The following NRXN1 variants were observed in gnomAD, a reference collection of about 807,000 sequenced individuals.
NRXN1 encodes the protein neurexin 1.
Under a neutral mutation model 150.9 loss-of-function variants are expected in NRXN1, and 39 were observed. That is an observed-to-expected ratio of 0.26 (90% CI 0.20 to 0.34). The LOEUF (loss-of-function observed/expected upper bound fraction) is 0.34. Among genes scored for constraint, NRXN1 ranks in the 10% least tolerant of loss-of-function variants. NRXN1 has a pLI of 1.00. For missense variants in NRXN1, 1,815 were observed against 1,949.9 expected (o/e 0.93, Z 1.30); for synonymous variants, 924 against 757.0 (o/e 1.22, Z -3.62).
intron 18 of NRXN1, among the ~76,000 whole-genome samples, chr2:50,169,368 T>G (rs2059882711): frequency 6.6e-6 from 1 of 152,104 alleles, no homozygotes; most frequent in Middle Eastern, 3.2e-3. Context: ...TCAGGGAAGT[T>G]TCTTGGGTAA....
chr2:50,478,405 G>C (rs544151291), intron 15 of NRXN1, among the ~76,000 whole-genome samples: 45 of 152,308 alleles, frequency 3.0e-4, no homozygotes, highest in African/African-American at 1.0e-3. Flanking sequence ...TTCAAGGCTT[G>C]TAAAATATTC....
intron 8 of NRXN1, among the ~76,000 whole-genome samples, chr2:50,587,810 A>G (rs967536244): frequency 6.6e-6 from 1 of 152,180 alleles, no homozygotes; most frequent in Non-Finnish European, 1.5e-5. Context: ...GGTTTGTGAA[A>G]AAAAGCTTGA....
intron 10 of NRXN1, among the ~76,000 whole-genome samples, chr2:50,537,208 A>G (rs1409472655): frequency 6.6e-6 from 1 of 152,216 alleles, no homozygotes; most frequent in Non-Finnish European, 1.5e-5. Flanking sequence ...AAAGGGAAAC[A>G]ATAAATATTC....
intron 8 of NRXN1, among the ~76,000 whole-genome samples, chr2:50,568,634 G>C (rs1670211260): frequency 6.6e-6 from 1 of 152,028 alleles, no homozygotes; most frequent in South Asian, 2.1e-4. Flanking sequence ...CCAAACACAA[G>C]CAATAACAAG....
intron 17 of NRXN1, among the ~76,000 whole-genome samples, chr2:50,336,488 G>T (rs923311212): frequency 1.3e-5 from 2 of 152,176 alleles, no homozygotes; most frequent in African/African-American, 4.8e-5. Context: ...TTAATTGTCA[G>T]TCTTTTCTCT....
chr2:50,376,046 T>TATATATACAC (rs1553516368), intron 17 of NRXN1, among the ~76,000 whole-genome samples: 11 of 148,734 alleles, frequency 7.4e-5, no homozygotes, highest in South Asian at 4.4e-4. Context: ...CATATATATA[T>TATATATACAC]ACACACACAC....
intron 10 of NRXN1, among the ~76,000 whole-genome samples, chr2:50,533,022 C>G (rs2093159873): frequency 6.6e-6 from 1 of 152,134 alleles, no homozygotes; most frequent in Admixed American, 6.6e-5. Context: ...AATATTAGGA[C>G]TATATTTAGA....
intron 17 of NRXN1, among the ~76,000 whole-genome samples, chr2:50,392,608 A>C (rs1325360362): frequency 5.3e-5 from 8 of 152,192 alleles, no homozygotes; most frequent in Non-Finnish European, 1.0e-4. Context: ...CTTTAGGGGA[A>C]AAGGTGAATT....
chr2:50,567,862 C>G (rs2094450585), intron 8 of NRXN1, among the ~76,000 whole-genome samples: 1 of 152,120 alleles, frequency 6.6e-6, no homozygotes, highest in African/African-American at 2.4e-5. Context: ...CTTTTAACCA[C>G]TTTACTCATA....
intron 18 of NRXN1, among the ~76,000 whole-genome samples, chr2:50,195,844 A>G (rs1470816001): frequency 6.6e-6 from 1 of 152,126 alleles, no homozygotes; most frequent in East Asian, 1.9e-4. Flanking sequence ...ATATTATCAT[A>G]GTTTCTTATT....
chr2:50,514,142 C>T (rs2092555976), intron 12 of NRXN1, among the ~76,000 whole-genome samples: 1 of 152,114 alleles, frequency 6.6e-6, no homozygotes, highest in Non-Finnish European at 1.5e-5. Context: ...AACCATTTAT[C>T]GAGCATGAAG....
intron 5 of NRXN1, among the ~76,000 whole-genome samples, chr2:50,752,224 C>T (rs556737323): frequency 4.6e-5 from 7 of 152,020 alleles, no homozygotes; most frequent in African/African-American, 1.7e-4. Flanking sequence ...ATTCTTTGGC[C>T]TGCCTATCAT....
At chr2:50,204,857 G>C (rs571842660) in intron 18 of NRXN1, among the ~76,000 whole-genome samples, 1 of 152,098 alleles carries the variant, frequency 6.6e-6, no homozygotes, top group Admixed American at 6.6e-5. Context: ...CATAAAACAA[G>C]AGTTTTAGTT....
At chr2:50,170,500 T>A (rs2059963593) in intron 18 of NRXN1, among the ~76,000 whole-genome samples, 1 of 152,148 alleles carries the variant, frequency 6.6e-6, no homozygotes, top group African/African-American at 2.4e-5. Flanking sequence ...TTTCACGATG[T>A]TGACCATGCT....
chr2:50,161,234 T>G (rs1051521602), intron 18 of NRXN1, among the ~76,000 whole-genome samples: 10 of 152,162 alleles, frequency 6.6e-5, no homozygotes, highest in African/African-American at 2.4e-4. Flanking sequence ...TCTATTATAT[T>G]ACTTCATTTT....
chr2:50,237,518 G>GA (rs2065574800), intron 17 of NRXN1, among the ~76,000 whole-genome samples: 1 of 151,724 alleles, frequency 6.6e-6, no homozygotes, highest in Non-Finnish European at 1.5e-5. Flanking sequence ...GCCATGTCAA[G>GA]AAAATACAGA....
intron 17 of NRXN1, among the ~76,000 whole-genome samples, chr2:50,295,352 G>T (rs1216801820): frequency 6.6e-6 from 1 of 152,036 alleles, no homozygotes; most frequent in African/African-American, 2.4e-5. Flanking sequence ...GTGACACAAG[G>T]TAAATTTTTT....
intron 21 of NRXN1, among the ~76,000 whole-genome samples, chr2:49,983,343 A>G (rs547905659): frequency 1.3e-5 from 2 of 152,320 alleles, no homozygotes. Context: ...GGAATAAATG[A>G]GTAAATGTCA....
Position 50,110,216 on chromosome 2 carries a change from C to A in NRXN1, c.3547-18722G>T, listed in dbSNP as rs144419227. Among the ~76,000 whole-genome samples the A allele has an allele frequency of 8.1e-3, 1,228 of 152,096 alleles. 7 individuals are homozygous for A. The highest frequency in any genetic ancestry group is 0.013 in the Non-Finnish European group (862 of 67,986). ...TTAGAAATAAAGAATGTTGGCCGGG[C>A]GCGGTGGCTCAGGCCTGTAATCCCA... On this transcript the variant is annotated intron_variant, in intron 18 of 22. Coordinates refer to ENST00000401669, the MANE Select transcript of NRXN1 (RefSeq NM_001330078.2).
Sources: gnomAD v4.1 joint callset for allele counts (sites outside exome capture counted in the v4.1 genomes callset) on GRCh38, gnomAD v4.1.1 for gene constraint, MANE v1.5 for transcripts, NCBI Gene and HGNC (gene_info 2026-07-23, HGNC 2026-07-21) for gene names.